The following MACROD2 variants were observed in gnomAD, a reference collection of about 807,000 sequenced individuals.
The protein encoded by MACROD2 is ADP-ribose glycohydrolase MACROD2.
MACROD2 carries 36 observed loss-of-function variants against 70.4 expected under a neutral mutation model. The ratio of observed to expected loss-of-function variants is 0.51; its 90% CI spans 0.39 to 0.68. The LOEUF is 0.68. Among genes scored for constraint, MACROD2 ranks in the 30% least tolerant of loss-of-function variants. MACROD2 has a pLI of 0.00. For missense variants in MACROD2, 496 were observed against 538.4 expected (o/e 0.92, Z 0.78); for synonymous variants, 172 against 178.8 (o/e 0.96, Z 0.30).
At chr20:15,916,042 A>G (rs539697889) in intron 10 of MACROD2, among the ~76,000 whole-genome samples, 2 of 152,336 alleles carry the variant, frequency 1.3e-5, no homozygotes, top group East Asian at 3.9e-4. Flanking sequence ...GGACAAAAAT[A>G]TATTAAAAAT....
chr20:14,205,512 C>G (rs1477961661), intron 3 of MACROD2, among the ~76,000 whole-genome samples: 1 of 152,212 alleles, frequency 6.6e-6, no homozygotes, highest in Non-Finnish European at 1.5e-5. Flanking sequence ...TTCCTGGTGG[C>G]TCCACCCCAC....
chr20:14,679,652 G>A (rs1600530959), intron 4 of MACROD2, among the ~76,000 whole-genome samples: 1 of 152,106 alleles, frequency 6.6e-6, no homozygotes, highest in South Asian at 2.1e-4. Context: ...TGTACATATA[G>A]GGGTATTACC....
At chr20:14,642,052 G>A (rs1985126106) in intron 4 of MACROD2, among the ~76,000 whole-genome samples, 1 of 152,190 alleles carries the variant, frequency 6.6e-6, no homozygotes, top group East Asian at 1.9e-4. Flanking sequence ...CTGTTAGTTA[G>A]CGTAGACACT....
chr20:15,964,331 G>C (rs2066107318), intron 12 of MACROD2, among the ~76,000 whole-genome samples: 1 of 152,104 alleles, frequency 6.6e-6, no homozygotes, highest in Non-Finnish European at 1.5e-5. Context: ...AAAGATCAAG[G>C]CACCAGCAGA....
At chr20:14,614,259 G>A (rs1362925746) in intron 4 of MACROD2, among the ~76,000 whole-genome samples, 1 of 152,096 alleles carries the variant, frequency 6.6e-6, no homozygotes, top group Admixed American at 6.6e-5. Context: ...TCATAATGCT[G>A]TTATGAGGCT....
intron 3 of MACROD2, among the ~76,000 whole-genome samples, chr20:14,244,630 A>C (rs1192529604): frequency 6.6e-6 from 1 of 152,146 alleles, no homozygotes; most frequent in South Asian, 2.1e-4. Context: ...TTTTAAAACA[A>C]CTTCTTGGTA....
At chr20:14,339,297 A>G (rs1001104411) in intron 3 of MACROD2, among the ~76,000 whole-genome samples, 8 of 152,320 alleles carry the variant, frequency 5.3e-5, no homozygotes, top group African/African-American at 1.7e-4. Context: ...TCTAATGTCC[A>G]TTGAAAAGCC....
intron 8 of MACROD2, among the ~76,000 whole-genome samples, chr20:15,779,379 T>C (rs2051791029): frequency 6.6e-6 from 1 of 152,180 alleles, no homozygotes; most frequent in African/African-American, 2.4e-5. Context: ...TAGTTCCTGA[T>C]ATTTGGGTAA....
chr20:14,064,568 C>T (rs2053732690), intron 2 of MACROD2, among the ~76,000 whole-genome samples: 1 of 152,134 alleles, frequency 6.6e-6, no homozygotes. Context: ...GAGACCTCAA[C>T]ACTTTATTAA....
At chr20:14,843,418 C>T (rs903508062) in intron 5 of MACROD2, among the ~76,000 whole-genome samples, 1 of 151,854 alleles carries the variant, frequency 6.6e-6, no homozygotes, top group Non-Finnish European at 1.5e-5. Context: ...GGGATATGCT[C>T]AAAATACATT....
At chr20:15,925,009 G>A (rs1423036009) in intron 10 of MACROD2, among the ~76,000 whole-genome samples, 1 of 152,228 alleles carries the variant, frequency 6.6e-6, no homozygotes, top group African/African-American at 2.4e-5. Flanking sequence ...GAGTGAGAAA[G>A]GGAGAGAACA....
At chr20:15,811,607 A>G (rs1345208635) in intron 8 of MACROD2, among the ~76,000 whole-genome samples, 4 of 152,110 alleles carry the variant, frequency 2.6e-5, no homozygotes, top group Admixed American at 2.6e-4. Context: ...AGAATTAAGA[A>G]CACAAGCCTG....
intron 6 of MACROD2, among the ~76,000 whole-genome samples, chr20:15,365,326 G>T (rs1029386427): frequency 2.0e-5 from 3 of 152,074 alleles, no homozygotes; most frequent in African/African-American, 7.2e-5. Flanking sequence ...CCACAAACTT[G>T]GAGCCTCTCT....
intron 5 of MACROD2, among the ~76,000 whole-genome samples, chr20:15,014,315 G>A (rs6043059): frequency 6.6e-6 from 1 of 152,066 alleles, no homozygotes; most frequent in African/African-American, 2.4e-5. Flanking sequence ...AGAAGTCTCA[G>A]GAAATTAAAA....
intron 12 of MACROD2, among the ~76,000 whole-genome samples, chr20:15,938,385 C>T (rs1424511311): frequency 6.6e-6 from 1 of 152,186 alleles, no homozygotes; most frequent in African/African-American, 2.4e-5. Context: ...GTGCTCATTT[C>T]ATGTCCCTGT....
At chr20:14,176,703 T>C (rs1261493709) in intron 3 of MACROD2, among the ~76,000 whole-genome samples, 1 of 152,196 alleles carries the variant, frequency 6.6e-6, no homozygotes, top group Non-Finnish European at 1.5e-5. Flanking sequence ...AATATCTCTT[T>C]GAATATAAGA....
intron 3 of MACROD2, among the ~76,000 whole-genome samples, chr20:14,338,324 A>T (rs918333226): frequency 6.6e-6 from 1 of 152,156 alleles, no homozygotes; most frequent in Non-Finnish European, 1.5e-5. Context: ...CCAAGATTGC[A>T]CCATTGCACT....
chr20:15,395,752 T>C (rs938785374), intron 6 of MACROD2, among the ~76,000 whole-genome samples: 1 of 152,226 alleles, frequency 6.6e-6, no homozygotes, highest in Non-Finnish European at 1.5e-5. Flanking sequence ...TGTTCCTGCC[T>C]TAAGATGCCA....
At chr20:15,350,981 T>C (rs1164132668) in intron 6 of MACROD2, among the ~76,000 whole-genome samples, 1 of 152,116 alleles carries the variant, frequency 6.6e-6, no homozygotes, top group Non-Finnish European at 1.5e-5. Context: ...ATGAGTACCA[T>C]CTAGAATAAT....
Sources: gnomAD v4.1 joint callset for allele counts (sites outside exome capture counted in the v4.1 genomes callset) on GRCh38, gnomAD v4.1.1 for gene constraint, MANE v1.5 for transcripts, NCBI Gene and HGNC (gene_info 2026-07-23, HGNC 2026-07-21) for gene names.